EYA2: variants seen among roughly 807,000 people sequenced by gnomAD.
The protein encoded by EYA2 is EYA transcriptional coactivator and phosphatase 2.
In EYA2, 31 loss-of-function variants were observed where a neutral mutation model predicts 69.2. The observed-to-expected ratio is 0.45, with a 90% CI of 0.34 to 0.60. The LOEUF (loss-of-function observed/expected upper bound fraction) is 0.60. Ranked by LOEUF, EYA2 falls within the 20% of genes least tolerant of loss-of-function variation. The probability of loss-of-function intolerance (pLI) is 0.02; values close to 1 mark genes in which losing one functional copy is unlikely to be tolerated. For synonymous variants in EYA2, 257 were observed against 279.4 expected (o/e 0.92, Z 0.80); for missense variants, 622 against 701.2 (o/e 0.89, Z 1.28).
intron 1 of EYA2, among the ~76,000 whole-genome samples, chr20:46,946,594 A>T (rs1978471282): frequency 6.6e-6 from 1 of 152,164 alleles, no homozygotes; most frequent in Non-Finnish European, 1.5e-5. Flanking sequence ...GTCAGCAAAC[A>T]TTTTCTGTAA....
At chr20:47,181,794 G>A (rs186291238) in intron 14 of EYA2, among the ~76,000 whole-genome samples, 207 of 152,146 alleles carry the variant, frequency 1.4e-3, no homozygotes, top group African/African-American at 4.7e-3. Context: ...GAAGTTCTAC[G>A]TCCAAACATT....
At chr20:47,101,909 T>A (rs1359719609) in intron 9 of EYA2, among the ~76,000 whole-genome samples, 1 of 152,232 alleles carries the variant, frequency 6.6e-6, no homozygotes, top group Non-Finnish European at 1.5e-5. Context: ...TCACAGTTCT[T>A]TCTCTCTGTA....
At chr20:47,099,452 G>C (rs1180001802) in intron 9 of EYA2, among the ~76,000 whole-genome samples, 1 of 152,236 alleles carries the variant, frequency 6.6e-6, no homozygotes, top group East Asian at 1.9e-4. Flanking sequence ...GATCGCTTGA[G>C]CCTGTGGTGA....
intron 12 of EYA2, among the ~76,000 whole-genome samples, chr20:47,177,836 G>T (rs2034453376): frequency 1.3e-5 from 2 of 152,256 alleles, no homozygotes; most frequent in African/African-American, 4.8e-5. Flanking sequence ...GACTGACTTG[G>T]TCCCTGCCCT....
At chr20:47,130,296 G>A (rs6124948) in intron 9 of EYA2, among the ~76,000 whole-genome samples, 1 of 87,180 alleles carries the variant, frequency 1.1e-5, no homozygotes, top group East Asian at 3.4e-4. Flanking sequence ...ACAGAGTCTT[G>A]CTCTGTAGCC....
rs1985328816 is a variant in EYA2 at position 46,924,659 on chromosome 20, G to C, written c.-11+29672G>C. Among the ~76,000 whole-genome samples the C allele has an allele frequency of 4.0e-5, 4 of 99,272 alleles. No homozygotes were observed. In the Admixed American group the frequency reaches 4.3e-4, roughly 11 times the overall value. The allele number at this position is 99,272 out of a possible 152,430, so 65.1% of individuals were successfully genotyped here. A position where few individuals can be genotyped will look rare whatever the true frequency, so the allele number is the denominator to read the frequency against. ...CACTCCAGCCTGGCCAATAGAGCGAGACTCCATCTCAAAAAAAAAAAAAAA... is the reference window on the plus strand; with the variant it reads ...CACTCCAGCCTGGCCAATAGAGCGACACTCCATCTCAAAAAAAAAAAAAAA... On this transcript the variant is annotated intron_variant, in intron 1 of 15. Transcript: ENST00000327619.
At chr20:47,152,703 C>A (rs1445226933) in intron 10 of EYA2, among the ~76,000 whole-genome samples, 3 of 151,292 alleles carry the variant, frequency 2.0e-5, no homozygotes, top group Non-Finnish European at 4.4e-5. Flanking sequence ...CCCAGCTACT[C>A]AGGAGGCTGA....
At chr20:46,932,234 C>T (rs1010938470) in intron 1 of EYA2, among the ~76,000 whole-genome samples, 1 of 152,094 alleles carries the variant, frequency 6.6e-6, no homozygotes, top group Non-Finnish European at 1.5e-5. Context: ...CTCAGTCCGT[C>T]TACTTCCTCC....
intron 1 of EYA2, among the ~76,000 whole-genome samples, chr20:46,918,096 G>A (rs549148940): frequency 2.6e-5 from 4 of 152,154 alleles, no homozygotes; most frequent in African/African-American, 9.6e-5. Context: ...CGAGGTGGGC[G>A]GATCCTGAGG....
chr20:46,971,319 C>T (rs537848314), intron 1 of EYA2, among the ~76,000 whole-genome samples: 51 of 152,328 alleles, frequency 3.3e-4, no homozygotes, highest in Admixed American at 1.1e-3. Context: ...AGATTCCTTT[C>T]AACTTGTTTC....
At chr20:47,004,898 G>A (rs757362328) in intron 3 of EYA2, 44 bp from the exon 4 acceptor site, 4 of 1,613,686 alleles carry the variant, frequency 2.5e-6, no homozygotes, top group Admixed American at 3.3e-5. Flanking sequence ...AAGAAGGGGT[G>A]CCAGACTGGG....
At chr20:46,945,267 TG>T (rs1209309693) in intron 1 of EYA2, among the ~76,000 whole-genome samples, 1 of 152,336 alleles carries the variant, frequency 6.6e-6, no homozygotes, top group African/African-American at 2.4e-5. Context: ...TGAGAGCTTT[TG>T]TATAAAGTAC....
At chr20:46,921,347 C>G (rs1415164657) in intron 1 of EYA2, among the ~76,000 whole-genome samples, 1 of 152,260 alleles carries the variant, frequency 6.6e-6, no homozygotes, top group Non-Finnish European at 1.5e-5. Flanking sequence ...CAAACAGTCT[C>G]CACATTTATT....
At chr20:46,962,726 C>G (rs1475807438) in intron 1 of EYA2, among the ~76,000 whole-genome samples, 3 of 152,206 alleles carry the variant, frequency 2.0e-5, no homozygotes, top group Non-Finnish European at 4.4e-5. Flanking sequence ...TCGCATCCTA[C>G]CACGTAACAG....
chr20:46,976,635 G>A (rs1020038701), intron 1 of EYA2, among the ~76,000 whole-genome samples: 5 of 152,120 alleles, frequency 3.3e-5, no homozygotes, highest in Non-Finnish European at 4.4e-5. Flanking sequence ...TCCACCCACC[G>A]TGGCCTCCCA....
chr20:46,916,703 T>C (rs1984921459), intron 1 of EYA2, among the ~76,000 whole-genome samples: 1 of 152,098 alleles, frequency 6.6e-6, no homozygotes, highest in Non-Finnish European at 1.5e-5. Context: ...TCTTCTGGGA[T>C]ATAGTGGGGG....
intron 9 of EYA2, among the ~76,000 whole-genome samples, chr20:47,132,627 T>C (rs1600731314): frequency 6.6e-6 from 1 of 152,190 alleles, no homozygotes; most frequent in Non-Finnish European, 1.5e-5. Context: ...TGAACCTGGG[T>C]CCTGCCAACT....
At chr20:47,140,845 T>C (rs2033579453) in intron 9 of EYA2, among the ~76,000 whole-genome samples, 1 of 152,194 alleles carries the variant, frequency 6.6e-6, no homozygotes, top group African/African-American at 2.4e-5. Context: ...TAGCTGTACC[T>C]GGTGAGGGCC....
chr20:47,077,036 C>T lies in EYA2; in HGVS notation c.661+2701C>T, dbSNP rs569078720. ...GCAGCAGACTTTGGGCTCATGCCTA[C>T]GGCTGGAGCTAGAGTTGGGGTCAGC... On this transcript the variant is annotated intron_variant, in intron 7 of 15. Transcript: ENST00000327619. Among the ~76,000 whole-genome samples the T allele has an allele frequency of 8.1e-4, 124 of 152,310 alleles. 1 individual carries two copies. Among genetic ancestry groups the T allele is most frequent in the African/African-American group, 1.3e-3 (53 of 41,560 alleles).
Sources: gnomAD v4.1 joint callset for allele counts (sites outside exome capture counted in the v4.1 genomes callset) on GRCh38, gnomAD v4.1.1 for gene constraint, MANE v1.5 for transcripts, NCBI Gene and HGNC (gene_info 2026-07-23, HGNC 2026-07-21) for gene names.